The following RFX4 variants were observed in gnomAD, a reference collection of about 807,000 sequenced individuals.
RFX4 encodes the protein transcription factor RFX4.
RFX4 carries 10 observed loss-of-function variants against 95.0 expected under a neutral mutation model. The observed-to-expected ratio is 0.11, with a 90% CI of 0.06 to 0.18. The LOEUF is 0.18. RFX4 is among the 10% of genes least tolerant of loss of function. The probability of loss-of-function intolerance (pLI) is 1.00; values close to 1 mark genes in which losing one functional copy is unlikely to be tolerated. For missense variants in RFX4, 640 were observed against 922.0 expected, an observed-to-expected ratio of 0.69 and a Z score of 3.96; for synonymous variants, 321 against 340.7, an observed-to-expected ratio of 0.94 and a Z score of 0.64.
chr12:106,760,313 C>T (rs1282160870), intron 17 of RFX4, among the ~76,000 whole-genome samples: 4 of 152,220 alleles, frequency 2.6e-5, no homozygotes, highest in Non-Finnish European at 5.9e-5. Flanking sequence ...TTCCTCCCCT[C>T]TGATCCTACT....
intron 11 of RFX4, among the ~76,000 whole-genome samples, chr12:106,718,849 G>T (rs761819327): frequency 6.6e-6 from 1 of 151,730 alleles, no homozygotes; most frequent in African/African-American, 2.4e-5. Flanking sequence ...GGTGGTGCAC[G>T]CCTGTAATCC....
intron 7 of RFX4, among the ~76,000 whole-genome samples, chr12:106,690,604 G>T (rs4964482): frequency 6.6e-6 from 1 of 152,008 alleles, no homozygotes; most frequent in Non-Finnish European, 1.5e-5. Context: ...AGGGACTCAG[G>T]CTCCTTCCAC....
chr12:106,589,233 G>A (rs1156894257), intron 1 of RFX4, among the ~76,000 whole-genome samples: 1 of 152,164 alleles, frequency 6.6e-6, no homozygotes, highest in Non-Finnish European at 1.5e-5. Flanking sequence ...TTTAAAAAAA[G>A]AAGAAAATAG....
chr12:106,698,259 C>G (rs950049893), intron 8 of RFX4, among the ~76,000 whole-genome samples: 3 of 151,700 alleles, frequency 2.0e-5, no homozygotes. Context: ...CAGACGTGAG[C>G]CCCCTACACC....
chr12:106,703,097 C>T (rs1369284499), intron 8 of RFX4, among the ~76,000 whole-genome samples: 1 of 152,216 alleles, frequency 6.6e-6, no homozygotes, highest in African/African-American at 2.4e-5. Flanking sequence ...ATTTCACCCA[C>T]TTGTATGTAA....
At position 106,662,556 on chromosome 12, in the gene RFX4, T is replaced by C. The variant is rs115675647; in HGVS notation, c.315+8205T>C. ...ATTGTCTTTCACAGAGCATAAAATT[T>C]TAATTTTAATGAAATCCAGCTTATC... On this transcript the variant is annotated intron_variant, in intron 4 of 17. Transcript: ENST00000392842. Among the ~76,000 whole-genome samples, 1,264 of 152,304 alleles carry C rather than the reference T, an allele frequency of 8.3e-3. 23 individuals are homozygous for C. Among genetic ancestry groups the C allele is most frequent in the African/African-American group, 0.029 (1,207 of 41,568 alleles).
At chr12:106,733,217 TC>T in intron 15 of RFX4, 132 bp downstream of exon 15, 1 of 936,454 alleles carries the variant, frequency 1.1e-6, no homozygotes, top group Non-Finnish European at 1.7e-6. Flanking sequence ...ACACCTGTAG[TC>T]CCAGCTACTT....
chr12:106,749,725 C>T (rs1443872042), intron 16 of RFX4, among the ~76,000 whole-genome samples: 2 of 152,106 alleles, frequency 1.3e-5, no homozygotes, highest in African/African-American at 4.8e-5. Context: ...TTCACACATA[C>T]GATCCTCAGA....
intron 2 of RFX4, among the ~76,000 whole-genome samples, chr12:106,626,514 A>G (rs375765033): frequency 6.6e-6 from 1 of 152,182 alleles, no homozygotes; most frequent in Non-Finnish European, 1.5e-5. Context: ...TGAATTCCAA[A>G]CAAGGGGTCT....
chr12:106,732,096 G>A (rs200033385), intron 13 of RFX4, 34 bp from the exon 14 acceptor site: 10 of 1,608,552 alleles, frequency 6.2e-6, no homozygotes, highest in Admixed American at 1.7e-5. Flanking sequence ...GAGACAGCAC[G>A]ACTTACTTTC....
intron 1 of RFX4, among the ~76,000 whole-genome samples, chr12:106,587,709 T>G (rs1390097168): frequency 6.6e-6 from 1 of 152,222 alleles, no homozygotes. Context: ...CTCACCAACG[T>G]GAAAGGTTCT....
At chr12:106,750,902 C>T (rs2042989196) in intron 17 of RFX4, 109 bp downstream of exon 17, 4 of 1,021,982 alleles carry the variant, frequency 3.9e-6, no homozygotes, top group Non-Finnish European at 5.2e-6. Context: ...GCGTGTGTGT[C>T]CCCAAGGAGA....
intron 1 of RFX4, among the ~76,000 whole-genome samples, chr12:106,591,014 G>A (rs1287379426): frequency 2.0e-5 from 3 of 152,012 alleles, no homozygotes; most frequent in African/African-American, 7.2e-5. Context: ...AAAAAAGAAA[G>A]CTTATCCAAG....
chr12:106,694,805 C>T (rs1270999582), intron 7 of RFX4, among the ~76,000 whole-genome samples: 2 of 152,160 alleles, frequency 1.3e-5, no homozygotes, highest in East Asian at 1.9e-4. Flanking sequence ...GAGGCCGAGG[C>T]GTGCAGATCA....
chr12:106,689,013 G>T (rs544089576), intron 6 of RFX4, among the ~76,000 whole-genome samples: 2 of 152,134 alleles, frequency 1.3e-5, no homozygotes, highest in East Asian at 3.9e-4. Flanking sequence ...ACAGTCTCAG[G>T]GGGTGGAAAA....
At chr12:106,692,203 G>A (rs866536870) in intron 7 of RFX4, among the ~76,000 whole-genome samples, 3 of 151,436 alleles carry the variant, frequency 2.0e-5, no homozygotes, top group Non-Finnish European at 4.4e-5. Context: ...ACTCGGGAAC[G>A]TCTTCTCCAG....
chr12:106,667,453 C>T (rs959806690), intron 4 of RFX4, among the ~76,000 whole-genome samples: 1 of 152,194 alleles, frequency 6.6e-6, no homozygotes, highest in Non-Finnish European at 1.5e-5. Context: ...GACTTTTGCT[C>T]TGATATTTAC....
intron 10 of RFX4, chr12:106,714,869 T>C (rs1392572976): frequency 6.6e-6 from 1 of 152,668 alleles, no homozygotes; most frequent in Non-Finnish European, 1.5e-5. Flanking sequence ...TATAGCAACA[T>C]TTTAAAAAAG....
chr12:106,722,934 G>A (rs1268035172), intron 13 of RFX4, among the ~76,000 whole-genome samples: 1 of 152,184 alleles, frequency 6.6e-6, no homozygotes, highest in Non-Finnish European at 1.5e-5. Context: ...TCTGTTCCTT[G>A]GTCCCCTCCC....
Sources: gnomAD v4.1 joint callset for allele counts (sites outside exome capture counted in the v4.1 genomes callset) on GRCh38, gnomAD v4.1.1 for gene constraint, MANE v1.5 for transcripts, NCBI Gene and HGNC (gene_info 2026-07-23, HGNC 2026-07-21) for gene names.